Variants in CAMK1D observed in about 807,000 individuals in gnomAD.
CAMK1D encodes the protein calcium/calmodulin dependent protein kinase ID, also known as calcium/calmodulin-dependent protein kinase type 1D.
In CAMK1D, 9 loss-of-function variants were observed where a neutral mutation model predicts 47.7. That is an observed-to-expected ratio of 0.19 (90% confidence interval 0.11 to 0.33). The LOEUF (loss-of-function observed/expected upper bound fraction) is 0.33, where lower values mean the gene tolerates loss of function less well. CAMK1D is among the 10% of genes least tolerant of loss of function. CAMK1D has a pLI of 1.00. For missense variants in CAMK1D, 291 were observed against 488.7 expected, an observed-to-expected ratio of 0.60 and a Z score of 3.81; for synonymous variants, 184 against 184.9, an observed-to-expected ratio of 0.99 and a Z score of 0.04.
At chr10:12,722,048 C>T (rs1050885911) in intron 3 of CAMK1D, among the ~76,000 whole-genome samples, 1 of 152,104 alleles carries the variant, frequency 6.6e-6, no homozygotes, top group Non-Finnish European at 1.5e-5. Flanking sequence ...GCTCCACCCT[C>T]ATGACCTAAT....
intron 3 of CAMK1D, among the ~76,000 whole-genome samples, chr10:12,691,401 ATAAATATATATATATATATATTTTTTT>A (rs1832910965): frequency 1.8e-3 from 13 of 7,108 alleles, no homozygotes; most frequent in Non-Finnish European, 2.7e-4. Flanking sequence ...ATATATATAT[ATAAATATATATATATATATATTTTTTT>A]TTTTTTTTTT....
chr10:12,674,397 G>A (rs143654731), intron 3 of CAMK1D, among the ~76,000 whole-genome samples: 75 of 152,132 alleles, frequency 4.9e-4, no homozygotes, highest in Admixed American at 3.3e-3. Context: ...TTTGTGCCTC[G>A]GAAAGTTTTA....
chr10:12,579,549 C>A (rs1380042920), intron 2 of CAMK1D, among the ~76,000 whole-genome samples: 1 of 152,172 alleles, frequency 6.6e-6, no homozygotes, highest in Non-Finnish European at 1.5e-5. Flanking sequence ...GTGTTTCCTG[C>A]TGGATCTTTC....
intron 3 of CAMK1D, chr10:12,760,495 A>C (rs1419830994): frequency 4.5e-5 from 7 of 156,674 alleles, no homozygotes; most frequent in Admixed American, 4.3e-4. Context: ...CCAGTATATT[A>C]GGAGCAGAAC....
At chr10:12,390,564 G>T (rs1182072267) in intron 1 of CAMK1D, among the ~76,000 whole-genome samples, 1 of 152,196 alleles carries the variant, frequency 6.6e-6, no homozygotes, top group Admixed American at 6.5e-5. Flanking sequence ...CCTACAACTA[G>T]TTGAGGGTAG....
intron 1 of CAMK1D, among the ~76,000 whole-genome samples, chr10:12,379,428 T>C (rs897681866): frequency 6.6e-6 from 1 of 152,174 alleles, no homozygotes; most frequent in Non-Finnish European, 1.5e-5. Flanking sequence ...TAATGCCTGG[T>C]GTTTAAGTGC....
chr10:12,425,749 A>G (rs142994959), intron 1 of CAMK1D, among the ~76,000 whole-genome samples: 4 of 152,276 alleles, frequency 2.6e-5, no homozygotes, highest in Non-Finnish European at 2.9e-5. Flanking sequence ...TGCCTGCCAC[A>G]TAATCATTGC....
At chr10:12,401,865 T>C (rs528298755) in intron 1 of CAMK1D, among the ~76,000 whole-genome samples, 10 of 149,452 alleles carry the variant, frequency 6.7e-5, no homozygotes, top group African/African-American at 2.5e-4. Context: ...AAAGAGGCTT[T>C]GGTTGTCCGG....
chr10:12,781,064 G>C (rs1250797419), intron 5 of CAMK1D, among the ~76,000 whole-genome samples: 1 of 152,210 alleles, frequency 6.6e-6, no homozygotes, highest in African/African-American at 2.4e-5. Flanking sequence ...GAGTCGCTCT[G>C]AACACAGTGT....
intron 1 of CAMK1D, among the ~76,000 whole-genome samples, chr10:12,496,065 G>A (rs1834529717): frequency 6.6e-6 from 1 of 152,052 alleles, no homozygotes; most frequent in Admixed American, 6.6e-5. Context: ...CTGAGCTCAA[G>A]CAATCCTCCT....
At chr10:12,605,137 C>T (rs761602327) in intron 2 of CAMK1D, among the ~76,000 whole-genome samples, 8 of 152,116 alleles carry the variant, frequency 5.3e-5, no homozygotes, top group Non-Finnish European at 1.2e-4. Flanking sequence ...CTGCCTGCCT[C>T]GGCCTCCCAA....
At chr10:12,689,740 T>C (rs188813150) in intron 3 of CAMK1D, among the ~76,000 whole-genome samples, 2 of 151,246 alleles carry the variant, frequency 1.3e-5, no homozygotes, top group African/African-American at 2.4e-5. Flanking sequence ...CATACCATTG[T>C]AGTCCAGCCT....
chr10:12,460,333 T>C (rs1017401864), intron 1 of CAMK1D, among the ~76,000 whole-genome samples: 1 of 151,830 alleles, frequency 6.6e-6, no homozygotes, highest in Non-Finnish European at 1.5e-5. Context: ...TGATCATATC[T>C]CCCTGCAGCC....
At chr10:12,817,980 C>T (rs1007468894) in intron 8 of CAMK1D, among the ~76,000 whole-genome samples, 10 of 152,096 alleles carry the variant, frequency 6.6e-5, no homozygotes, top group African/African-American at 1.9e-4. Context: ...TGAGCCACCG[C>T]GCTGGCCTGT....
At chr10:12,687,274 GAAA>G (rs1003050870) in intron 3 of CAMK1D, among the ~76,000 whole-genome samples, 1 of 140,072 alleles carries the variant, frequency 7.1e-6, no homozygotes, top group Non-Finnish European at 1.6e-5. Flanking sequence ...ACTATGCTCA[GAAA>G]AAAAAAAAAA....
intron 2 of CAMK1D, among the ~76,000 whole-genome samples, chr10:12,563,621 G>T (rs562636043): frequency 2.4e-4 from 36 of 150,190 alleles, no homozygotes; most frequent in African/African-American, 5.4e-4. Flanking sequence ...TGGATGGCAG[G>T]TTCCTCAACC....
intron 2 of CAMK1D, among the ~76,000 whole-genome samples, chr10:12,640,673 AACACTTT>A (rs1481112303): frequency 4.6e-5 from 7 of 152,192 alleles, no homozygotes; most frequent in Non-Finnish European, 8.8e-5. Flanking sequence ...TGGTAAAAAG[AACACTTT>A]ACACTTTACA....
intron 2 of CAMK1D, among the ~76,000 whole-genome samples, chr10:12,619,221 T>C (rs1032655412): frequency 2.6e-5 from 4 of 152,232 alleles, no homozygotes; most frequent in African/African-American, 9.6e-5. Context: ...CTGGCATTAC[T>C]GTTATCCCTG....
Position 12,678,610 on chromosome 10 carries a change from C to T in CAMK1D, c.299+11800C>T, listed in dbSNP as rs559828546. ...TTGAAGTCTTGTAGAGCTATTTCTCCCTTCAGTTCTGTTGATGTCTGCTTC... is the reference window on the plus strand; with the variant it reads ...TTGAAGTCTTGTAGAGCTATTTCTCTCTTCAGTTCTGTTGATGTCTGCTTC... On this transcript the variant is annotated intron_variant, in intron 3 of 10. Coordinates refer to ENST00000619168, the MANE Select transcript of CAMK1D (RefSeq NM_153498.4). 4.6e-5 allele frequency among the ~76,000 whole-genome samples: 7 copies of T among 152,204 alleles called. No individual in the cohort carries two copies. In the East Asian group the frequency reaches 1.2e-3, roughly 25 times the overall value.
Sources: gnomAD v4.1 joint callset for allele counts (sites outside exome capture counted in the v4.1 genomes callset) on GRCh38, gnomAD v4.1.1 for gene constraint, MANE v1.5 for transcripts, NCBI Gene and HGNC (gene_info 2026-07-23, HGNC 2026-07-21) for gene names.